HS6ST3: variants seen among roughly 807,000 people sequenced by gnomAD.
HS6ST3 encodes heparan-sulfate 6-O-sulfotransferase 3.
In HS6ST3, 12 loss-of-function variants were observed where a neutral mutation model predicts 36.7. The observed-to-expected ratio is 0.33, with a 90% CI of 0.21 to 0.53. HS6ST3 has a LOEUF of 0.53. Among genes scored for constraint, HS6ST3 ranks in the 20% least tolerant of loss-of-function variants. The pLI, the probability that HS6ST3 is intolerant of heterozygous loss-of-function variation, is 0.95. For synonymous variants in HS6ST3, 240 were observed against 257.5 expected, an observed-to-expected ratio of 0.93 and a Z score of 0.65; for missense variants, 584 against 640.9, an observed-to-expected ratio of 0.91 and a Z score of 0.96.
intron 1 of HS6ST3, among the ~76,000 whole-genome samples, chr13:96,782,428 C>G (rs999108759): frequency 7.9e-5 from 12 of 152,040 alleles, no homozygotes; most frequent in Non-Finnish European, 1.6e-4. Flanking sequence ...TTGTGGGCTG[C>G]TAGGTGGTCA....
At chr13:96,595,596 T>C (rs2056398595) in intron 1 of HS6ST3, among the ~76,000 whole-genome samples, 1 of 152,160 alleles carries the variant, frequency 6.6e-6, no homozygotes, top group South Asian at 2.1e-4. Flanking sequence ...TGGAAAGTCT[T>C]CTGCTACTAG....
chr13:96,488,011 G>A (rs965007675), intron 1 of HS6ST3, among the ~76,000 whole-genome samples: 3 of 151,966 alleles, frequency 2.0e-5, no homozygotes, highest in Non-Finnish European at 4.4e-5. Flanking sequence ...TACTTGTCAG[G>A]AAAAAAATTA....
intron 1 of HS6ST3, among the ~76,000 whole-genome samples, chr13:96,120,815 A>T (rs2053921887): frequency 6.6e-6 from 1 of 152,252 alleles, no homozygotes; most frequent in Non-Finnish European, 1.5e-5. Flanking sequence ...CCAAACAGTG[A>T]CAAATCAGTT....
chr13:96,799,122 A>G (rs1594862651), intron 1 of HS6ST3, among the ~76,000 whole-genome samples: 1 of 152,236 alleles, frequency 6.6e-6, no homozygotes, highest in East Asian at 1.9e-4. Flanking sequence ...TCGACTTATG[A>G]ATCTTTTAAA....
At chr13:96,449,641 G>A (rs989012305) in intron 1 of HS6ST3, among the ~76,000 whole-genome samples, 2 of 152,014 alleles carry the variant, frequency 1.3e-5, no homozygotes, top group Non-Finnish European at 2.9e-5. Flanking sequence ...ATGTATATAC[G>A]TGCATATGTA....
intron 1 of HS6ST3, among the ~76,000 whole-genome samples, chr13:96,767,874 G>C (rs1288073263): frequency 6.6e-6 from 1 of 152,188 alleles, no homozygotes; most frequent in Non-Finnish European, 1.5e-5. Flanking sequence ...AGACAACTCT[G>C]TCAAATAGAT....
At chr13:96,700,939 C>T (rs1439013275) in intron 1 of HS6ST3, among the ~76,000 whole-genome samples, 2 of 152,148 alleles carry the variant, frequency 1.3e-5, no homozygotes, top group African/African-American at 4.8e-5. Context: ...GGCATTGGGA[C>T]ATCCAGGTCT....
chr13:96,643,022 A>G (rs1386083165), intron 1 of HS6ST3, among the ~76,000 whole-genome samples: 1 of 151,970 alleles, frequency 6.6e-6, no homozygotes, highest in East Asian at 1.9e-4. Flanking sequence ...ATGTGGCAAC[A>G]CTGGAAATCA....
chr13:96,503,647 A>G (rs935163949), intron 1 of HS6ST3, among the ~76,000 whole-genome samples: 6 of 152,088 alleles, frequency 3.9e-5, no homozygotes, highest in African/African-American at 1.2e-4. Context: ...CATCAAAGAA[A>G]CTGGCCTGAC....
At chr13:96,810,721 G>T (rs1047669298) in intron 1 of HS6ST3, among the ~76,000 whole-genome samples, 3 of 152,176 alleles carry the variant, frequency 2.0e-5, no homozygotes, top group Admixed American at 6.5e-5. Context: ...AGCATGATTT[G>T]CCCTGAGTGT....
chr13:96,579,135 A>G (rs968479373), intron 1 of HS6ST3, among the ~76,000 whole-genome samples: 2 of 152,100 alleles, frequency 1.3e-5, no homozygotes, highest in African/African-American at 4.8e-5. Context: ...TATATATTTT[A>G]CTGTTTATAA....
At chr13:96,585,041 A>G (rs951656572) in intron 1 of HS6ST3, among the ~76,000 whole-genome samples, 3 of 152,240 alleles carry the variant, frequency 2.0e-5, no homozygotes, top group Admixed American at 1.3e-4. Flanking sequence ...GGGTAACTGT[A>G]TCAATGGGAA....
In HS6ST3 at chr13:96,716,872, C is replaced by G. The variant is rs192549178; in HGVS notation, c.708-115618C>G. On this transcript the variant is annotated intron_variant, in intron 1 of 1. Coordinates refer to ENST00000376705, the MANE Select transcript of HS6ST3 (RefSeq NM_153456.4). The stretch of plus-strand genomic sequence containing the variant: ...AAGATAGCAAATTCTCTTGACTCCT[C>G]CATTAGTGTAGGTAAGTGGGCCAAG... 3.8e-3 allele frequency among the ~76,000 whole-genome samples: 576 copies of G among 152,296 alleles called. 3 individuals carry two copies. The highest frequency in any genetic ancestry group is 0.01 in the Middle Eastern group (3 of 294).
At chr13:96,540,282 T>C (rs968922078) in intron 1 of HS6ST3, among the ~76,000 whole-genome samples, 3 of 152,216 alleles carry the variant, frequency 2.0e-5, no homozygotes, top group African/African-American at 7.2e-5. Context: ...TCTTGTAAGC[T>C]ACTTTCCAAG....
At chr13:96,446,090 G>A (rs1234811959) in intron 1 of HS6ST3, among the ~76,000 whole-genome samples, 5 of 147,188 alleles carry the variant, frequency 3.4e-5, no homozygotes, top group Admixed American at 6.8e-5. Flanking sequence ...GGAGAATGGC[G>A]TGAACCCAGG....
intron 1 of HS6ST3, among the ~76,000 whole-genome samples, chr13:96,693,796 C>T (rs139688239): frequency 1.2e-4 from 19 of 152,282 alleles, no homozygotes; most frequent in African/African-American, 4.1e-4. Context: ...AATCTCTGAA[C>T]ATCTTTTATT....
intron 1 of HS6ST3, among the ~76,000 whole-genome samples, chr13:96,684,769 AT>A (rs1265825529): frequency 6.6e-6 from 1 of 152,092 alleles, no homozygotes; most frequent in African/African-American, 2.4e-5. Flanking sequence ...TATACAGCTA[AT>A]TACAATGCAC....
chr13:96,698,345 T>G (rs996917824), intron 1 of HS6ST3, among the ~76,000 whole-genome samples: 1 of 152,192 alleles, frequency 6.6e-6, no homozygotes, highest in Non-Finnish European at 1.5e-5. Flanking sequence ...GGTTTCCAGC[T>G]TCATCCATGT....
intron 1 of HS6ST3, among the ~76,000 whole-genome samples, chr13:96,310,553 G>A (rs909133466): frequency 9.9e-5 from 15 of 152,032 alleles, no homozygotes; most frequent in Admixed American, 7.2e-4. Flanking sequence ...TAGAAAAGAC[G>A]AGGAAGGAGA....
Sources: gnomAD v4.1 joint callset for allele counts (sites outside exome capture counted in the v4.1 genomes callset) on GRCh38, gnomAD v4.1.1 for gene constraint, MANE v1.5 for transcripts, NCBI Gene and HGNC (gene_info 2026-07-23, HGNC 2026-07-21) for gene names.